Variants in ZNF385D observed in about 807,000 individuals in gnomAD.
The protein encoded by ZNF385D is zinc finger protein 385D, also known as zinc finger protein 659.
ZNF385D carries 15 observed loss-of-function variants against 35.8 expected under a neutral mutation model. That is an observed-to-expected ratio of 0.42 (90% confidence interval 0.28 to 0.64). ZNF385D has a LOEUF of 0.64. ZNF385D is among the 30% of genes least tolerant of loss of function. The probability of loss-of-function intolerance (pLI) is 0.23; values close to 1 mark genes in which losing one functional copy is unlikely to be tolerated. For missense variants in ZNF385D, 474 were observed against 494.6 expected (o/e 0.96, Z 0.39); for synonymous variants, 212 against 186.8 (o/e 1.13, Z -1.10).
intron 2 of ZNF385D, among the ~76,000 whole-genome samples, chr3:21,630,798 A>T (rs747838115): frequency 3.3e-5 from 5 of 152,144 alleles, no homozygotes; most frequent in Non-Finnish European, 7.4e-5. Flanking sequence ...TTGAGCACAC[A>T]TTATGTGTTA....
At chr3:21,859,821 A>G (rs1696948121) in intron 3 of ZNF385D, among the ~76,000 whole-genome samples, 1 of 152,074 alleles carries the variant, frequency 6.6e-6, no homozygotes, top group Non-Finnish European at 1.5e-5. Context: ...CAAACGTGGC[A>G]CTTTCCATTT....
intron 2 of ZNF385D, among the ~76,000 whole-genome samples, chr3:22,248,856 A>G (rs1477167190): frequency 6.6e-6 from 1 of 152,092 alleles, no homozygotes; most frequent in Non-Finnish European, 1.5e-5. Context: ...TACTCTTCAG[A>G]TGAGGTAATA....
intron 3 of ZNF385D, among the ~76,000 whole-genome samples, chr3:22,015,143 T>C (rs1292233437): frequency 6.6e-6 from 1 of 152,148 alleles, no homozygotes; most frequent in Non-Finnish European, 1.5e-5. Context: ...TACTAAAGAA[T>C]TATTTCCCTG....
chr3:21,896,318 C>G (rs1699132875), intron 3 of ZNF385D, among the ~76,000 whole-genome samples: 1 of 152,022 alleles, frequency 6.6e-6, no homozygotes, highest in South Asian at 2.1e-4. Context: ...GTGGCTGCCT[C>G]AAGTATCTAT....
At chr3:21,638,610 A>G (rs1026805329) in intron 2 of ZNF385D, among the ~76,000 whole-genome samples, 3 of 152,096 alleles carry the variant, frequency 2.0e-5, no homozygotes, top group Non-Finnish European at 2.9e-5. Context: ...CTAGAATCTC[A>G]TATCTTCTGC....
At chr3:22,143,807 C>G (rs1312632502) in intron 3 of ZNF385D, among the ~76,000 whole-genome samples, 1 of 152,096 alleles carries the variant, frequency 6.6e-6, no homozygotes, top group Non-Finnish European at 1.5e-5. Flanking sequence ...CATCTTCCAG[C>G]CCAGTAAAAC....
chr3:21,731,824 G>C (rs1281772822), intron 1 of ZNF385D, among the ~76,000 whole-genome samples: 1 of 151,986 alleles, frequency 6.6e-6, no homozygotes, highest in Non-Finnish European at 1.5e-5. Context: ...TTTCAGACTG[G>C]ATTCTTTCAC....
chr3:21,463,942 T>G (rs1575192218), intron 4 of ZNF385D, among the ~76,000 whole-genome samples: 2 of 152,262 alleles, frequency 1.3e-5, no homozygotes, highest in Middle Eastern at 6.8e-3. Flanking sequence ...GTCCCATATT[T>G]TCTTATTTAT....
At chr3:21,883,971 G>A (rs1698408252) in intron 3 of ZNF385D, among the ~76,000 whole-genome samples, 1 of 151,970 alleles carries the variant, frequency 6.6e-6, no homozygotes, top group Admixed American at 6.6e-5. Flanking sequence ...ATCGGTTTGT[G>A]CACCATTTTG....
In ZNF385D at chr3:22,094,008, AC is replaced by A. The variant is rs934428247; in HGVS notation, c.325+74808del. Among the ~76,000 whole-genome samples the A allele has an allele frequency of 1.4e-4, 22 of 152,232 alleles. 1 individual carries two copies. Among genetic ancestry groups the A allele is most frequent in the African/African-American group, 5.3e-4 (22 of 41,570 alleles). On this transcript the variant is annotated intron_variant, in intron 3 of 5. Coordinates refer to the ZNF385D transcript ENST00000494108. ...CTAGCACCTTGATTTCTAAAATAAT[AC>A]CAATTTAACGCTTTACAAATTTTAA...
chr3:21,866,088 C>T (rs1361512873), intron 3 of ZNF385D, among the ~76,000 whole-genome samples: 2 of 151,764 alleles, frequency 1.3e-5, no homozygotes, highest in Admixed American at 1.3e-4. Flanking sequence ...CATATATACA[C>T]TGTTAATTTA....
chr3:21,609,220 C>T (rs953996590), intron 2 of ZNF385D, among the ~76,000 whole-genome samples: 8 of 152,152 alleles, frequency 5.3e-5, no homozygotes, highest in African/African-American at 1.9e-4. Flanking sequence ...GAGGGATTTA[C>T]CCACCACATC....
intron 3 of ZNF385D, among the ~76,000 whole-genome samples, chr3:21,836,253 G>A (rs949437051): frequency 6.6e-6 from 1 of 151,990 alleles, no homozygotes; most frequent in African/African-American, 2.4e-5. Context: ...TAAATATGGA[G>A]GCGCATTAAA....
chr3:21,690,558 G>C (rs909695522), intron 1 of ZNF385D, among the ~76,000 whole-genome samples: 1 of 152,064 alleles, frequency 6.6e-6, no homozygotes. Context: ...ATTTCCTCAT[G>C]TTCTTTGACA....
At chr3:22,104,429 G>C (rs1211103931) in intron 3 of ZNF385D, among the ~76,000 whole-genome samples, 1 of 152,106 alleles carries the variant, frequency 6.6e-6, no homozygotes, top group Non-Finnish European at 1.5e-5. Flanking sequence ...TTCTTCTGCA[G>C]GTAGTATTTT....
At chr3:22,126,142 A>G (rs561116617) in intron 3 of ZNF385D, among the ~76,000 whole-genome samples, 135 of 152,082 alleles carry the variant, frequency 8.9e-4, no homozygotes, top group Non-Finnish European at 1.5e-3. Context: ...ATTTTATCAA[A>G]TGCTTTTCCA....
chr3:21,712,235 TTC>T (rs1360718706), intron 1 of ZNF385D, among the ~76,000 whole-genome samples: 2 of 152,270 alleles, frequency 1.3e-5, no homozygotes, highest in Non-Finnish European at 2.9e-5. Context: ...TCTGCAATCC[TTC>T]TCTCTCTCCA....
intron 2 of ZNF385D, among the ~76,000 whole-genome samples, chr3:21,603,033 T>G (rs1195457400): frequency 6.6e-6 from 1 of 152,180 alleles, no homozygotes; most frequent in Non-Finnish European, 1.5e-5. Context: ...AAACTTCACC[T>G]TTATAACTAC....
chr3:22,235,976 T>C (rs1699156729), intron 2 of ZNF385D, among the ~76,000 whole-genome samples: 1 of 152,266 alleles, frequency 6.6e-6, no homozygotes, highest in South Asian at 2.1e-4. Flanking sequence ...ACAAATTTCC[T>C]ATGGAGAGGG....
Sources: allele counts gnomAD v4.1 joint callset (sites outside exome capture counted in the v4.1 genomes callset), GRCh38; gene constraint gnomAD v4.1.1; transcripts MANE v1.5; gene names NCBI Gene and HGNC (gene_info 2026-07-23, HGNC 2026-07-21).